The following IGSF21 variants were observed in gnomAD, a reference collection of about 807,000 sequenced individuals.
IGSF21 encodes the protein immunoglobulin superfamily member 21.
Under a neutral mutation model 46.8 loss-of-function variants are expected in IGSF21, and 28 were observed. The observed-to-expected ratio is 0.60, with a 90% confidence interval of 0.44 to 0.82. The LOEUF (loss-of-function observed/expected upper bound fraction) is 0.82, where lower values mean the gene tolerates loss of function less well. IGSF21 is among the 40% of genes least tolerant of loss of function. IGSF21 has a pLI of 0.00. For missense variants in IGSF21, 624 were observed against 665.5 expected (o/e 0.94, Z 0.69); for synonymous variants, 284 against 273.6 (o/e 1.04, Z -0.38).
chr1:18,267,400 G>T (rs1034345399), intron 2 of IGSF21, among the ~76,000 whole-genome samples: 1 of 152,184 alleles, frequency 6.6e-6, no homozygotes, highest in African/African-American at 2.4e-5. Context: ...TCATTTTCCA[G>T]TTCCTTGGCC....
intron 3 of IGSF21, among the ~76,000 whole-genome samples, chr1:18,296,290 C>T (rs903636164): frequency 7.9e-5 from 12 of 152,108 alleles, no homozygotes; most frequent in African/African-American, 1.4e-4. Context: ...GCTGGGTCCC[C>T]GGTAGCAAAA....
intron 2 of IGSF21, among the ~76,000 whole-genome samples, chr1:18,284,845 G>A (rs139646317): frequency 2.0e-5 from 3 of 152,340 alleles, no homozygotes; most frequent in African/African-American, 7.2e-5. Context: ...CAAGATCCCA[G>A]GTGCCATCCA....
chr1:18,295,098 G>A (rs769583737), intron 3 of IGSF21, among the ~76,000 whole-genome samples: 27 of 152,170 alleles, frequency 1.8e-4, no homozygotes, highest in Non-Finnish European at 3.2e-4. Context: ...GACTCCTGGA[G>A]CTTTTTGTCC....
At chr1:18,267,562 G>C (rs577865342) in intron 2 of IGSF21, among the ~76,000 whole-genome samples, 1 of 152,328 alleles carries the variant, frequency 6.6e-6, no homozygotes, top group African/African-American at 2.4e-5. Flanking sequence ...AAGAGGTTTG[G>C]AGAAAGGCCT....
At chr1:18,351,493 G>A in intron 4 of IGSF21, among the ~76,000 whole-genome samples, 1 of 152,170 alleles carries the variant, frequency 6.6e-6, no homozygotes, top group Non-Finnish European at 1.5e-5. Flanking sequence ...CAGAGGTTTT[G>A]CACGCTGGGG....
At chr1:18,132,756 C>G (rs1030794485) in intron 1 of IGSF21, among the ~76,000 whole-genome samples, 2 of 152,088 alleles carry the variant, frequency 1.3e-5, no homozygotes, top group Non-Finnish European at 2.9e-5. Flanking sequence ...GGGACCGCTG[C>G]TGGGTTTAAC....
At chr1:18,366,450 G>A (rs1460285060) in intron 6 of IGSF21, among the ~76,000 whole-genome samples, 1 of 151,970 alleles carries the variant, frequency 6.6e-6, no homozygotes, top group African/African-American at 2.4e-5. Flanking sequence ...GCATGCTCAG[G>A]GGAGTTTTCT....
chr1:18,308,192 AAG>A (rs2085446794), intron 3 of IGSF21, among the ~76,000 whole-genome samples: 1 of 152,072 alleles, frequency 6.6e-6, no homozygotes, highest in African/African-American at 2.4e-5. Flanking sequence ...GCTCAGCACA[AAG>A]AGGTGAGGAG....
At chr1:18,197,162 G>C (rs993378443) in intron 1 of IGSF21, among the ~76,000 whole-genome samples, 10 of 152,230 alleles carry the variant, frequency 6.6e-5, no homozygotes, top group East Asian at 1.9e-4. Context: ...TCGATGCGAG[G>C]AAGGAGTGTG....
intron 2 of IGSF21, among the ~76,000 whole-genome samples, chr1:18,235,210 G>A (rs2084661764): frequency 6.6e-6 from 1 of 152,198 alleles, no homozygotes; most frequent in Admixed American, 6.5e-5. Context: ...CAGCCACGGA[G>A]CATGTCATGG....
intron 2 of IGSF21, among the ~76,000 whole-genome samples, chr1:18,235,248 T>A (rs1172005996): frequency 6.6e-6 from 1 of 152,238 alleles, no homozygotes; most frequent in Non-Finnish European, 1.5e-5. Flanking sequence ...TAGAGGGAGC[T>A]GTTCCATGCA....
intron 1 of IGSF21, among the ~76,000 whole-genome samples, chr1:18,158,507 C>T (rs969748553): frequency 2.2e-4 from 33 of 152,262 alleles, no homozygotes; most frequent in African/African-American, 7.9e-4. Context: ...CCCACCCAGG[C>T]CCGGGTGTCT....
intron 1 of IGSF21, among the ~76,000 whole-genome samples, chr1:18,131,703 C>G (rs901753783): frequency 6.6e-6 from 1 of 152,174 alleles, no homozygotes; most frequent in African/African-American, 2.4e-5. Flanking sequence ...TGTGCTGACT[C>G]AGGGATCCAG....
At chr1:18,308,600 T>G (rs1205931582) in intron 3 of IGSF21, among the ~76,000 whole-genome samples, 1 of 152,144 alleles carries the variant, frequency 6.6e-6, no homozygotes, top group Non-Finnish European at 1.5e-5. Flanking sequence ...CAGACAGACA[T>G]GTAATGAGGC....
chr1:18,135,724 G>A (rs1319271785), intron 1 of IGSF21, among the ~76,000 whole-genome samples: 7 of 152,078 alleles, frequency 4.6e-5, no homozygotes, highest in South Asian at 2.1e-4. Flanking sequence ...ATAAATATAC[G>A]TGTGCATATG....
chr1:18,225,725 T>G (rs2084559984), intron 1 of IGSF21, among the ~76,000 whole-genome samples: 1 of 152,152 alleles, frequency 6.6e-6, no homozygotes, highest in Non-Finnish European at 1.5e-5. Context: ...TGGGGTCAGG[T>G]CCTCAACTCC....
Position 18,307,078 on chromosome 1 carries a change from T to A in IGSF21, c.305+15091T>A, listed in dbSNP as rs114311135. Among the ~76,000 whole-genome samples, 1,399 of 152,206 alleles carry A rather than the reference T, an allele frequency of 9.2e-3. 14 individuals carry two copies. Among genetic ancestry groups the A allele is most frequent in the Non-Finnish European group, 0.015 (1,024 of 67,980 alleles). On this transcript the variant is annotated intron_variant, in intron 3 of 9. Transcript: ENST00000251296. ...CACTCCTAATTATTATTTGGAGAGG[T>A]TTGGGGAGGCTCAGTTAATTGATTA... is the stretch of plus-strand genomic sequence containing the variant.
chr1:18,375,730 C>T (rs2086273809), intron 6 of IGSF21, among the ~76,000 whole-genome samples: 1 of 152,174 alleles, frequency 6.6e-6, no homozygotes, highest in African/African-American at 2.4e-5. Context: ...AGGAGACCCG[C>T]ACCTTGATCT....
intron 1 of IGSF21, among the ~76,000 whole-genome samples, chr1:18,141,694 C>T (rs894848916): frequency 3.3e-5 from 5 of 152,156 alleles, no homozygotes; most frequent in African/African-American, 9.7e-5. Flanking sequence ...TTTGTAAAGA[C>T]GGGGACAATA....
Sources: gnomAD v4.1 joint callset for allele counts (sites outside exome capture counted in the v4.1 genomes callset) on GRCh38, gnomAD v4.1.1 for gene constraint, MANE v1.5 for transcripts, NCBI Gene and HGNC (gene_info 2026-07-23, HGNC 2026-07-21) for gene names.